KCNK2: variants seen among roughly 807,000 people sequenced by gnomAD.
The protein encoded by KCNK2 is potassium channel subfamily K member 2.
A neutral mutation model predicts 40.5 loss-of-function variants in KCNK2; 21 were observed. That is an observed-to-expected ratio of 0.52 (90% CI 0.37 to 0.75). The LOEUF is 0.75. KCNK2 is among the 30% of genes least tolerant of loss of function. The probability of loss-of-function intolerance (pLI) is 0.00; values close to 1 mark genes in which losing one functional copy is unlikely to be tolerated. For missense variants in KCNK2, 399 were observed against 531.6 expected, an observed-to-expected ratio of 0.75 and a Z score of 2.45; for synonymous variants, 191 against 202.2, an observed-to-expected ratio of 0.94 and a Z score of 0.47.
rs188207184 is a variant in KCNK2 at position 215,099,904 on chromosome 1, A to G, written c.357+13226A>G. On this transcript the variant is annotated intron_variant, in intron 2 of 6. Coordinates refer to ENST00000444842, the MANE Select transcript of KCNK2 (RefSeq NM_001017425.3). ...GACATGTTCCCATTGGGAAAATAAA[A>G]AATTCTCCTTTCCTGTCACTATTAT... 3.3e-5 allele frequency among the ~76,000 whole-genome samples: 5 copies of G among 152,132 alleles called. No individual in the cohort carries two copies. In the East Asian group the frequency reaches 9.7e-4, roughly 29 times the overall value.
At chr1:215,070,616 A>G (rs1380912746) in intron 1 of KCNK2, among the ~76,000 whole-genome samples, 2 of 152,118 alleles carry the variant, frequency 1.3e-5, no homozygotes, top group South Asian at 2.1e-4. Context: ...CTTATTCACT[A>G]TCACGAGAAC....
At chr1:215,221,089 G>A (rs1027928454) in intron 6 of KCNK2, among the ~76,000 whole-genome samples, 1 of 152,212 alleles carries the variant, frequency 6.6e-6, no homozygotes, top group African/African-American at 2.4e-5. Flanking sequence ...AAACTACTTG[G>A]CTGGGCGCAG....
intron 5 of KCNK2, among the ~76,000 whole-genome samples, chr1:215,174,386 G>A (rs1271880586): frequency 6.6e-6 from 1 of 152,206 alleles, no homozygotes; most frequent in Non-Finnish European, 1.5e-5. Flanking sequence ...TTGTAGTATA[G>A]TTTGAAGTCA....
Position 215,083,213 on chromosome 1 carries a change from C to CCCCGG in KCNK2, c.-173_-172insCCCGG. On this transcript the variant is annotated 5_prime_UTR_variant, in exon 1 of 7. Coordinates refer to ENST00000444842, the MANE Select transcript of KCNK2 (RefSeq NM_001017425.3). ...TCACGCTCCCCCCCCCGCCCCCTCC[C>CCCCGG]GCGTCCAGCCCCGCTCTCCCCACCT... 1 of 1,393,880 alleles carries CCCCGG rather than the reference C, an allele frequency of 7.2e-7. No individual in the cohort carries two copies. Among genetic ancestry groups the CCCCGG allele is most frequent in the Non-Finnish European group, 9.8e-7 (1 of 1,021,670 alleles). The allele number at this position is 1,393,880 out of a possible 1,614,324, so 86.3% of individuals were successfully genotyped here. A position where few individuals can be genotyped will look rare whatever the true frequency, so the allele number is the denominator to read the frequency against.
chr1:215,235,383 T>C lies in KCNK2; in HGVS notation c.*238T>C. On this transcript the variant is annotated 3_prime_UTR_variant, in exon 7 of 7. Coordinates refer to ENST00000444842, the MANE Select transcript of KCNK2 (RefSeq NM_001017425.3). ...GATGAGTGGAATGACAAGCAATGTC[T>C]GATGCCTTTTTGTGCCCAGACTGTT... 4.4e-6 allele frequency: 2 copies of C among 453,354 alleles called. No homozygotes were observed. Among genetic ancestry groups the C allele is most frequent in the Non-Finnish European group, 7.9e-6 (2 of 253,028 alleles). 28.1% of individuals were successfully genotyped at this position (453,354 alleles called of 1,614,324 possible).
chr1:215,051,213 T>C (rs1395311627), intron 1 of KCNK2, among the ~76,000 whole-genome samples: 1 of 152,236 alleles, frequency 6.6e-6, no homozygotes, highest in East Asian at 1.9e-4. Flanking sequence ...GTAGCTGGGA[T>C]TACAGATGTG....
At chr1:215,075,482 A>T (rs1315377932) in intron 1 of KCNK2, among the ~76,000 whole-genome samples, 1 of 152,120 alleles carries the variant, frequency 6.6e-6, no homozygotes, top group Non-Finnish European at 1.5e-5. Context: ...TAGTATGTTT[A>T]CTCCATGATG....
intron 3 of KCNK2, among the ~76,000 whole-genome samples, chr1:215,155,095 A>T (rs1662858176): frequency 6.6e-6 from 1 of 152,094 alleles, no homozygotes; most frequent in African/African-American, 2.4e-5. Context: ...TGATGATTTA[A>T]TCCATCTGAT....
chr1:215,212,066 A>C (rs1292572856), intron 6 of KCNK2, among the ~76,000 whole-genome samples: 1 of 152,120 alleles, frequency 6.6e-6, no homozygotes, highest in African/African-American at 2.4e-5. Context: ...AATAAAGAAA[A>C]TCTTGAGAAA....
intron 1 of KCNK2, among the ~76,000 whole-genome samples, chr1:215,031,351 C>T (rs1310035849): frequency 6.6e-6 from 1 of 152,166 alleles, no homozygotes; most frequent in Non-Finnish European, 1.5e-5. Flanking sequence ...GTCTTCGTAG[C>T]CATGAACATG....
chr1:215,070,548 A>G (rs897606021), intron 1 of KCNK2, among the ~76,000 whole-genome samples: 4 of 152,034 alleles, frequency 2.6e-5, no homozygotes, highest in Non-Finnish European at 5.9e-5. Context: ...ACATGGTGGC[A>G]GGCAAGAGAG....
chr1:215,189,848 T>C (rs1664594476), intron 5 of KCNK2, among the ~76,000 whole-genome samples: 1 of 152,152 alleles, frequency 6.6e-6, no homozygotes, highest in African/African-American at 2.4e-5. Context: ...CTCCTTCATA[T>C]TAAGACAGGA....
At chr1:215,125,892 A>G (rs1242946949) in intron 3 of KCNK2, among the ~76,000 whole-genome samples, 1 of 151,552 alleles carries the variant, frequency 6.6e-6, no homozygotes, top group African/African-American at 2.4e-5. Flanking sequence ...ATATTTTTTA[A>G]GAAAGAGAAG....
chr1:215,020,087 G>T (rs1373869080), intron 1 of KCNK2, among the ~76,000 whole-genome samples: 1 of 152,050 alleles, frequency 6.6e-6, no homozygotes, highest in Middle Eastern at 3.2e-3. Context: ...TTGAGTGAGT[G>T]TACATTTTCT....
Position 215,236,569 on chromosome 1 carries a change from A to G in KCNK2, c.*1424A>G, listed in dbSNP as rs1666905366. ...TGATTATTCTTTTTAGTTTAATTTT[A>G]TATCCTGTAATTCTTTGGATGGTTC... is the stretch of plus-strand genomic sequence containing the variant. On this transcript the variant is annotated 3_prime_UTR_variant, in exon 7 of 7. Transcript: ENST00000444842. The G allele has an allele frequency of 6.6e-6, 1 of 152,414 alleles. No homozygotes were observed. Among genetic ancestry groups the G allele is most frequent in the Non-Finnish European group, 1.5e-5 (1 of 67,990 alleles). The allele number at this position is 152,414 out of a possible 1,614,324, so 9.4% of individuals were successfully genotyped here.
intron 6 of KCNK2, among the ~76,000 whole-genome samples, chr1:215,199,969 TG>T (rs1300740129): frequency 6.6e-6 from 1 of 152,170 alleles, no homozygotes; most frequent in Non-Finnish European, 1.5e-5. Flanking sequence ...TGGGTGTTCC[TG>T]TGCACATATG....
At chr1:215,220,443 C>G (rs532414472) in intron 6 of KCNK2, among the ~76,000 whole-genome samples, 1 of 152,150 alleles carries the variant, frequency 6.6e-6, no homozygotes, top group African/African-American at 2.4e-5. Context: ...GGGTTGACCT[C>G]GTCACCCATC....
chr1:215,089,839 A>C (rs66850353), intron 2 of KCNK2, among the ~76,000 whole-genome samples: 1 of 12,454 alleles, frequency 8.0e-5, no homozygotes, highest in Non-Finnish European at 2.4e-4. Flanking sequence ...TTTTTTTTTT[A>C]TTTTGAAACA....
At chr1:215,220,514 T>C (rs1666127645) in intron 6 of KCNK2, among the ~76,000 whole-genome samples, 2 of 152,168 alleles carry the variant, frequency 1.3e-5, no homozygotes, top group Admixed American at 6.5e-5. Context: ...CTCATGCTGG[T>C]CTGGCTCTGA....
Sources: allele counts gnomAD v4.1 joint callset (sites outside exome capture counted in the v4.1 genomes callset), GRCh38; gene constraint gnomAD v4.1.1; transcripts MANE v1.5; gene names NCBI Gene and HGNC (gene_info 2026-07-23, HGNC 2026-07-21).